Variants in TNRC6A observed in about 807,000 individuals in gnomAD.
TNRC6A encodes the protein trinucleotide repeat containing adaptor 6A, also known as trinucleotide repeat-containing gene 6A protein.
Under a neutral mutation model 221.2 loss-of-function variants are expected in TNRC6A, and 44 were observed. That is an observed-to-expected ratio of 0.20 (90% confidence interval 0.16 to 0.26). The LOEUF is 0.26. TNRC6A is among the 10% of genes least tolerant of loss of function. The probability of loss-of-function intolerance (pLI) is 1.00; values close to 1 mark genes in which losing one functional copy is unlikely to be tolerated. For missense variants in TNRC6A, 2,199 were observed against 2,404.4 expected, an observed-to-expected ratio of 0.91 and a Z score of 1.79; for synonymous variants, 847 against 838.5, an observed-to-expected ratio of 1.01 and a Z score of -0.18.
At position 24,776,773 on chromosome 16, in the gene TNRC6A, C is replaced by T. The variant is rs1341216208; in HGVS notation, c.164-160C>T. On this transcript the variant is annotated intron_variant, in intron 4 of 24. Coordinates refer to ENST00000395799, the MANE Select transcript of TNRC6A (RefSeq NM_014494.4). The stretch of plus-strand genomic sequence containing the variant: ...ATATGACTCTTGGCAGTGACATCTC[C>T]TAACAAAATTTGAGCCTGTAAATGA... The T allele has an allele frequency of 1.2e-5, 12 of 985,252 alleles. No individual in the cohort carries two copies. In the East Asian group the frequency reaches 1.4e-3, roughly 112 times the overall value. The allele number at this position is 985,252 out of a possible 1,614,324, so 61.0% of individuals were successfully genotyped here. A position where few individuals can be genotyped will look rare whatever the true frequency, so the allele number is the denominator to read the frequency against.
intron 2 of TNRC6A, among the ~76,000 whole-genome samples, chr16:24,648,199 T>A (rs999905149): frequency 6.6e-6 from 1 of 151,994 alleles, no homozygotes; most frequent in African/African-American, 2.4e-5. Flanking sequence ...CTTCTTGATA[T>A]ATACTAAGAA....
chr16:24,733,603 C>G (rs2056694321), intron 2 of TNRC6A, among the ~76,000 whole-genome samples: 1 of 152,118 alleles, frequency 6.6e-6, no homozygotes, highest in Non-Finnish European at 1.5e-5. Context: ...ACACAAAAAT[C>G]CAGAAAGTAC....
At chr16:24,728,839 C>A (rs1375212492), upstream of TNRC6A, among the ~76,000 whole-genome samples, 3 of 152,136 alleles carry the variant, frequency 2.0e-5, no homozygotes, top group Admixed American at 6.5e-5. Context: ...ATGTTTCTTA[C>A]TGTGTGAGCT....
chr16:24,796,880 A>G (rs1189187202), intron 9 of TNRC6A, among the ~76,000 whole-genome samples: 5 of 152,180 alleles, frequency 3.3e-5, no homozygotes, highest in East Asian at 3.8e-4. Context: ...TCATGTCTCA[A>G]TGGAGTTTGC....
chr16:24,742,449 A>G (rs576003136), intron 2 of TNRC6A, among the ~76,000 whole-genome samples: 1 of 152,328 alleles, frequency 6.6e-6, no homozygotes, highest in African/African-American at 2.4e-5. Context: ...AAGAGTAAGA[A>G]TTAAAAGAGT....
chr16:24,702,641 C>T (rs1351820683), intron 2 of TNRC6A, among the ~76,000 whole-genome samples: 1 of 152,110 alleles, frequency 6.6e-6, no homozygotes, highest in African/African-American at 2.4e-5. Context: ...TGGCTGGGCA[C>T]GGTGACACCT....
intron 2 of TNRC6A, among the ~76,000 whole-genome samples, chr16:24,668,038 T>C (rs1475784968): frequency 2.0e-5 from 3 of 150,908 alleles, no homozygotes; most frequent in South Asian, 2.1e-4. Context: ...AAACATTACA[T>C]ATATATAGGC....
intron 2 of TNRC6A, among the ~76,000 whole-genome samples, chr16:24,734,586 A>G (rs2056720423): frequency 6.6e-6 from 1 of 152,138 alleles, no homozygotes; most frequent in African/African-American, 2.4e-5. Context: ...AAACAGATTC[A>G]GTAACTTACG....
chr16:24,768,418 G>A lies in TNRC6A; in HGVS notation c.164-8515G>A, dbSNP rs189121024. On this transcript the variant is annotated intron_variant, in intron 4 of 24. Coordinates refer to ENST00000395799, the MANE Select transcript of TNRC6A (RefSeq NM_014494.4). ...ACTGCACTCTAGCCTGGGGGACAGA[G>A]CGAGACTCTGTCTCAAAAAAAAAAA... 3.6e-3 allele frequency among the ~76,000 whole-genome samples: 494 copies of A among 138,710 alleles called. 19 individuals carry two copies. Among genetic ancestry groups the A allele is most frequent in the Admixed American group, 0.032 (437 of 13,488 alleles). 91.0% of individuals were successfully genotyped at this position (138,710 alleles called of 152,430 possible).
At chr16:24,774,107 CT>C (rs1172121225) in intron 4 of TNRC6A, among the ~76,000 whole-genome samples, 1 of 152,024 alleles carries the variant, frequency 6.6e-6, no homozygotes, top group Non-Finnish European at 1.5e-5. Flanking sequence ...TCTAATTTTC[CT>C]TTTTCCCCCC....
chr16:24,651,946 A>AAT (rs1277610440), intron 2 of TNRC6A, among the ~76,000 whole-genome samples: 4 of 151,268 alleles, frequency 2.6e-5, no homozygotes, highest in Admixed American at 1.3e-4. Flanking sequence ...AAAAAAAAAA[A>AAT]AATTAATTAA....
At chr16:24,730,449 TG>T in intron 2 of TNRC6A, 149 bp downstream of exon 2, 1 of 791,292 alleles carries the variant, frequency 1.3e-6, no homozygotes, top group Non-Finnish European at 2.0e-6. Flanking sequence ...GGGGGAATAC[TG>T]GAGGGATTGC....
At chr16:24,812,714 G>A (rs1479143009) in intron 18 of TNRC6A, among the ~76,000 whole-genome samples, 1 of 152,120 alleles carries the variant, frequency 6.6e-6, no homozygotes, top group African/African-American at 2.4e-5. Context: ...CTAGGTTTGT[G>A]TAAGGGCACT....
intron 2 of TNRC6A, among the ~76,000 whole-genome samples, chr16:24,731,089 C>G (rs1261970804): frequency 1.3e-5 from 2 of 151,730 alleles, no homozygotes; most frequent in Non-Finnish European, 2.9e-5. Context: ...TTTTCACATT[C>G]ATTTTCTTTC....
intron 2 of TNRC6A, among the ~76,000 whole-genome samples, chr16:24,672,692 C>T (rs2055331086): frequency 6.6e-6 from 1 of 152,076 alleles, no homozygotes; most frequent in Admixed American, 6.6e-5. Context: ...GATCCTTCCA[C>T]TTCAACCTCC....
intron 2 of TNRC6A, among the ~76,000 whole-genome samples, chr16:24,748,317 G>A (rs906027704): frequency 2.6e-5 from 4 of 152,126 alleles, no homozygotes; most frequent in Non-Finnish European, 5.9e-5. Context: ...TAACCTAGTT[G>A]CCGTTGTTTA....
At position 24,616,433 on chromosome 16, in the gene TNRC6A, A is replaced by G. The variant is rs1015541621; in HGVS notation, n.276+5949A>G. On this transcript the variant is annotated intron_variant and non_coding_transcript_variant, in intron 1 of 2. Coordinates refer to the TNRC6A transcript ENST00000566108. ...AAGGGAAGGTAGTTCTCTTTTGCTT[A>G]TTAATTTTTTAGGAGAAAAAGGCAT... is the stretch of plus-strand genomic sequence containing the variant. Among the ~76,000 whole-genome samples, 5 of 152,066 alleles carry G rather than the reference A, an allele frequency of 3.3e-5. No homozygotes were observed. The South Asian group carries it at 6.2e-4, about 19-fold the overall frequency.
chr16:24,739,622 G>A (rs1167147141), intron 2 of TNRC6A, among the ~76,000 whole-genome samples: 1 of 151,782 alleles, frequency 6.6e-6, no homozygotes, highest in Admixed American at 6.6e-5. Context: ...GGGATTACAG[G>A]CACCCACTAC....
In TNRC6A at chr16:24,771,587, A is replaced by ATGTTATGTTATGTTATGT. The variant is rs1567449504; in HGVS notation, c.164-5344_164-5327dup. Among the ~76,000 whole-genome samples the ATGTTATGTTATGTTATGT allele has an allele frequency of 2.8e-4, 40 of 142,650 alleles. 1 individual carries two copies. Among genetic ancestry groups the ATGTTATGTTATGTTATGT allele is most frequent in the African/African-American group, 8.6e-4 (33 of 38,440 alleles). The allele number at this position is 142,650 out of a possible 152,430, so 93.6% of individuals were successfully genotyped here. ...TTATGTTATGTTATGTTATGTTGTT[A>ATGTTATGTTATGTTATGT]TGTTATGTTATGTTATGTTATGTTA... On this transcript the variant is annotated intron_variant, in intron 4 of 24. Transcript: ENST00000395799.
Sources: allele counts gnomAD v4.1 joint callset (sites outside exome capture counted in the v4.1 genomes callset), GRCh38; gene constraint gnomAD v4.1.1; transcripts MANE v1.5; gene names NCBI Gene and HGNC (gene_info 2026-07-23, HGNC 2026-07-21).